The following ERAP1 variants were observed in gnomAD, a reference collection of about 807,000 sequenced individuals.
ERAP1 encodes adipocyte-derived leucine aminopeptidase.
In ERAP1, 86 loss-of-function variants were observed where a neutral mutation model predicts 103.7. That is an observed-to-expected ratio of 0.83 (90% CI 0.70 to 0.99). ERAP1 has a LOEUF of 0.99. Among genes scored for constraint, ERAP1 ranks in the 50% least tolerant of loss-of-function variants. The probability of loss-of-function intolerance (pLI) is 0.00; values close to 1 mark genes in which losing one functional copy is unlikely to be tolerated. For missense variants in ERAP1, 1,009 were observed against 1,128.4 expected (o/e 0.89, Z 1.52); for synonymous variants, 398 against 402.4 (o/e 0.99, Z 0.13).
At chr5:96,850,917 C>T in the ERAP1 span, among the ~76,000 whole-genome samples, 2 of 152,140 alleles carry the variant, frequency 1.3e-5, no homozygotes, top group African/African-American at 4.8e-5. Context: ...AAAGAAACCT[C>T]CCTTACACGT....
chr5:96,769,101 G>A (rs757883450), intron 19 of ERAP1: 4 of 152,206 alleles, frequency 2.6e-5, no homozygotes, highest in South Asian at 2.1e-4. Flanking sequence ...AGAAGGAAAC[G>A]TGAAATGAGT....
chr5:96,875,276 T>C, the ERAP1 span, among the ~76,000 whole-genome samples: 1 of 152,146 alleles, frequency 6.6e-6, no homozygotes, highest in Non-Finnish European at 1.5e-5. Context: ...GTCTCATGCC[T>C]GTAATCCCAA....
the ERAP1 span, chr5:96,880,382 A>G: frequency 1.1e-6 from 1 of 886,116 alleles, no homozygotes; most frequent in East Asian, 2.6e-5. Context: ...TGGGGAACCC[A>G]GAAGAAGGAA....
chr5:96,908,856 T>C, the ERAP1 span: 1 of 1,191,068 alleles, frequency 8.4e-7, no homozygotes. Context: ...CCAGCTATAA[T>C]GACCTACTTC....
At chr5:96,860,016 C>G in the ERAP1 span, among the ~76,000 whole-genome samples, 1 of 152,092 alleles carries the variant, frequency 6.6e-6, no homozygotes, top group Non-Finnish European at 1.5e-5. Context: ...AGATAAAGTA[C>G]AGCCCAAAAT....
chr5:96,817,518 A>G, the ERAP1 span, among the ~76,000 whole-genome samples: 1 of 152,280 alleles, frequency 6.6e-6, no homozygotes, highest in Non-Finnish European at 1.5e-5. Flanking sequence ...TCAATGGCAG[A>G]GCACAGAATC....
the ERAP1 span, among the ~76,000 whole-genome samples, chr5:96,860,589 A>T: frequency 3.3e-5 from 5 of 152,150 alleles, no homozygotes; most frequent in African/African-American, 1.2e-4. Context: ...TGAAAAAGAC[A>T]TGGGCCCCAA....
the ERAP1 span, among the ~76,000 whole-genome samples, chr5:96,824,320 T>C: frequency 1.3e-5 from 2 of 152,120 alleles, no homozygotes; most frequent in African/African-American, 4.8e-5. Flanking sequence ...GGAGCTCAGG[T>C]TCTTGCCTCT....
the ERAP1 span, among the ~76,000 whole-genome samples, chr5:96,861,986 TG>T: frequency 5.9e-5 from 9 of 151,822 alleles, no homozygotes; most frequent in African/African-American, 1.2e-4. Flanking sequence ...TGATTCTTTT[TG>T]AAAAAAAAAT....
At chr5:96,854,652 T>C in the ERAP1 span, among the ~76,000 whole-genome samples, 1 of 152,298 alleles carries the variant, frequency 6.6e-6, no homozygotes, top group Admixed American at 6.5e-5. Context: ...AGGTTTGAAA[T>C]CAAGACTCTA....
At chr5:96,854,286 A>G in the ERAP1 span, among the ~76,000 whole-genome samples, 5 of 152,214 alleles carry the variant, frequency 3.3e-5, no homozygotes, top group Admixed American at 1.3e-4. Context: ...ACTGCAGTCA[A>G]TGTTGCAAAT....
chr5:96,764,038 C>T (rs1162192490), intron 19 of ERAP1, among the ~76,000 whole-genome samples: 1 of 151,312 alleles, frequency 6.6e-6, no homozygotes, highest in East Asian at 1.9e-4. Flanking sequence ...TATGTGAAAA[C>T]ATTTTGAAAA....
At chr5:96,894,898 C>T in the ERAP1 span, among the ~76,000 whole-genome samples, 6 of 152,154 alleles carry the variant, frequency 3.9e-5, no homozygotes, top group Non-Finnish European at 1.5e-5. Context: ...TGAGATTGTT[C>T]TTATTGGGCA....
the ERAP1 span, among the ~76,000 whole-genome samples, chr5:96,914,431 CAT>C: frequency 2.2e-4 from 33 of 152,194 alleles, no homozygotes; most frequent in Non-Finnish European, 3.5e-4. Context: ...TTGACGTCCA[CAT>C]GAGACCAAAT....
At chr5:96,864,367 T>G in the ERAP1 span, among the ~76,000 whole-genome samples, 2,453 of 152,312 alleles carry the variant, frequency 0.016, 59 homozygotes, top group African/African-American at 0.057. Context: ...CAACAGATGC[T>G]TCTTTATTTT....
intron 6 of ERAP1, 102 bp downstream of exon 6, chr5:96,793,701 T>G: frequency 7.9e-7 from 1 of 1,265,242 alleles, no homozygotes; most frequent in South Asian, 1.5e-5. Flanking sequence ...TTTTTCCTAT[T>G]AAAAAAAGAC....
At chr5:96,818,975 G>A in the ERAP1 span, among the ~76,000 whole-genome samples, 1 of 151,718 alleles carries the variant, frequency 6.6e-6, no homozygotes, top group Non-Finnish European at 1.5e-5. Context: ...ACCAAGGCTG[G>A]AGTGCAATGG....
chr5:96,920,677 T>C, the ERAP1 span, among the ~76,000 whole-genome samples: 1 of 152,246 alleles, frequency 6.6e-6, no homozygotes, highest in Non-Finnish European at 1.5e-5. Context: ...CTTTCATCCA[T>C]GTAACCACGT....
rs2150873923 is a variant in ERAP1 at position 96,776,213 on chromosome 5, A to G, written c.*183T>C. 3 of 1,510,408 alleles carry G rather than the reference A, an allele frequency of 2.0e-6. No individual in the cohort carries two copies. Among genetic ancestry groups the G allele is most frequent in the Non-Finnish European group, 2.6e-6 (3 of 1,132,546 alleles). 93.6% of individuals were successfully genotyped at this position (1,510,408 alleles called of 1,614,324 possible). Reference sequence around the variant, plus strand: ...GCAACACCTGTGATGAACAAAACACATGGTAGCGATAGCCCATTCATGAAA... The same window carrying G: ...GCAACACCTGTGATGAACAAAACACGTGGTAGCGATAGCCCATTCATGAAA... On this transcript the variant is annotated 3_prime_UTR_variant, in exon 19 of 19. Transcript: ENST00000443439.
Sources: allele counts gnomAD v4.1 joint callset (sites outside exome capture counted in the v4.1 genomes callset), GRCh38; gene constraint gnomAD v4.1.1; transcripts MANE v1.5; gene names NCBI Gene and HGNC (gene_info 2026-07-23, HGNC 2026-07-21).